The following PCGF5 variants were observed in gnomAD, a reference collection of about 807,000 sequenced individuals.
The protein encoded by PCGF5 is polycomb group ring finger 5.
PCGF5 carries 9 observed loss-of-function variants against 44.3 expected under a neutral mutation model. The observed-to-expected ratio is 0.20, with a 90% confidence interval of 0.12 to 0.35. The LOEUF is 0.35. Among genes scored for constraint, PCGF5 ranks in the 10% least tolerant of loss-of-function variants. The probability of loss-of-function intolerance (pLI) is 1.00; values close to 1 mark genes in which losing one functional copy is unlikely to be tolerated. For missense variants in PCGF5, 146 were observed against 305.3 expected (o/e 0.48, Z 3.89); for synonymous variants, 95 against 102.5 (o/e 0.93, Z 0.44).
chr10:91,219,227 A>G (rs1844605403), upstream of PCGF5, among the ~76,000 whole-genome samples: 1 of 152,142 alleles, frequency 6.6e-6, no homozygotes. Context: ...CATTGCTAAC[A>G]TATGTCATCC....
intron 8 of PCGF5, among the ~76,000 whole-genome samples, chr10:91,269,631 C>CA (rs1846131517): frequency 6.6e-6 from 1 of 152,076 alleles, no homozygotes; most frequent in African/African-American, 2.4e-5. Flanking sequence ...AGATTTTCAG[C>CA]AGAGTATGCA....
chr10:91,187,742 T>C (rs562452013), intron 1 of PCGF5, among the ~76,000 whole-genome samples: 2 of 152,312 alleles, frequency 1.3e-5, no homozygotes, highest in South Asian at 2.1e-4. Context: ...TCTGTGTGTA[T>C]ATGTTTACCT....
At chr10:91,236,706 A>G (rs1845174698) in intron 2 of PCGF5, among the ~76,000 whole-genome samples, 1 of 152,224 alleles carries the variant, frequency 6.6e-6, no homozygotes, top group Admixed American at 6.5e-5. Context: ...TGTAGTGATG[A>G]GAAGTTTTTT....
chr10:91,262,979 C>T (rs1032315337), intron 7 of PCGF5, among the ~76,000 whole-genome samples: 24 of 152,184 alleles, frequency 1.6e-4, no homozygotes, highest in African/African-American at 5.8e-4. Context: ...GTTACTCTTA[C>T]ATAGTCTTAC....
In PCGF5 at chr10:91,282,788, C is replaced by T. The variant is rs1327481849; in HGVS notation, c.*4472C>T. 6.6e-6 allele frequency: 1 copy of T among 152,482 alleles called. No individual in the cohort carries two copies. Among genetic ancestry groups the T allele is most frequent in the Non-Finnish European group, 1.5e-5 (1 of 68,010 alleles). The allele number at this position is 152,482 out of a possible 1,614,324, so 9.4% of individuals were successfully genotyped here. A position where few individuals can be genotyped will look rare whatever the true frequency, so the allele number is the denominator to read the frequency against. On this transcript the variant is annotated 3_prime_UTR_variant, in exon 10 of 10. Transcript: ENST00000336126. ...ATAAGGAATTTTCCAGAAAGCTAAG[C>T]TTTATACTAATAAGATATTGGTTGG... is the stretch of plus-strand genomic sequence containing the variant.
chr10:91,198,344 C>G (rs968591911), intron 1 of PCGF5, among the ~76,000 whole-genome samples: 9 of 152,208 alleles, frequency 5.9e-5, no homozygotes, highest in African/African-American at 2.2e-4. Flanking sequence ...AGGACACTTT[C>G]CTTTCTCTCT....
At chr10:91,199,342 TG>T (rs1235716628) in intron 1 of PCGF5, among the ~76,000 whole-genome samples, 1 of 152,228 alleles carries the variant, frequency 6.6e-6, no homozygotes, top group Non-Finnish European at 1.5e-5. Context: ...GGAGTTGAGC[TG>T]TAGAGCCAGC....
intron 2 of PCGF5, among the ~76,000 whole-genome samples, chr10:91,231,182 T>C (rs962007233): frequency 2.6e-5 from 4 of 152,256 alleles, no homozygotes; most frequent in Admixed American, 2.6e-4. Context: ...TGGTTCCCTT[T>C]AGTATTCCTA....
At chr10:91,220,111 A>G (rs1844626943), upstream of PCGF5, 1 of 151,838 alleles carries the variant, frequency 6.6e-6, no homozygotes, top group Non-Finnish European at 1.5e-5. Context: ...GCAAACAGTA[A>G]TGCTTCTTTA....
At chr10:91,221,882 A>G (rs1278187542) in intron 1 of PCGF5, among the ~76,000 whole-genome samples, 1 of 152,228 alleles carries the variant, frequency 6.6e-6, no homozygotes, top group Non-Finnish European at 1.5e-5. Context: ...ATAGGAAAGA[A>G]GTAAGCATTA....
intron 1 of PCGF5, among the ~76,000 whole-genome samples, chr10:91,182,877 C>T (rs920361614): frequency 1.3e-5 from 2 of 152,062 alleles, no homozygotes; most frequent in African/African-American, 2.4e-5. Context: ...TTATTTACTC[C>T]AAAGTAATTC....
intron 1 of PCGF5, among the ~76,000 whole-genome samples, chr10:91,181,374 C>T (rs191682409): frequency 5.4e-4 from 82 of 152,214 alleles, no homozygotes; most frequent in African/African-American, 1.6e-3. Flanking sequence ...TTGCCCTGGC[C>T]GGAACTTTGA....
chr10:91,177,159 G>T lies in PCGF5; in HGVS notation c.-184+14078G>T, dbSNP rs576556673. On this transcript the variant is annotated intron_variant, in intron 1 of 9. Coordinates refer to the PCGF5 transcript ENST00000614189. ...CTCAGCTGCAGGTCTGTTGGAGTTT[G>T]CTGGAGGTCCACTTCAGACCCTGTT... Among the ~76,000 whole-genome samples, 1,165 of 152,332 alleles carry T rather than the reference G, an allele frequency of 7.6e-3. 14 individuals carry two copies. Among genetic ancestry groups the T allele is most frequent in the African/African-American group, 0.027 (1,119 of 41,574 alleles).
At chr10:91,162,850 G>A (rs1843411174), upstream of PCGF5, among the ~76,000 whole-genome samples, 1 of 147,766 alleles carries the variant, frequency 6.8e-6, no homozygotes, top group Non-Finnish European at 1.5e-5. Context: ...CGCCCCCTCG[G>A]CGCGCTCGCC....
chr10:91,203,023 A>C (rs1423524042), intron 1 of PCGF5, among the ~76,000 whole-genome samples: 2 of 152,226 alleles, frequency 1.3e-5, no homozygotes, highest in Non-Finnish European at 2.9e-5. Context: ...TTAAAAAAGC[A>C]AGAAAGCAAA....
intron 1 of PCGF5, among the ~76,000 whole-genome samples, chr10:91,195,999 A>G (rs1027181574): frequency 3.3e-5 from 5 of 150,448 alleles, no homozygotes; most frequent in East Asian, 3.9e-4. Flanking sequence ...GCTACTAGAT[A>G]AAATTGGGGT....
intron 6 of PCGF5, among the ~76,000 whole-genome samples, chr10:91,259,598 C>T (rs35981490): frequency 0.071 from 10,833 of 152,172 alleles, 492 homozygotes; most frequent in African/African-American, 0.12. Flanking sequence ...ACCAAAACAG[C>T]ATGGTACTGG....
chr10:91,156,998 C>G, the PCGF5 span, among the ~76,000 whole-genome samples: 12 of 152,266 alleles, frequency 7.9e-5, no homozygotes, highest in East Asian at 2.3e-3. Flanking sequence ...CTGGTTTAGC[C>G]ACTTCTTAGC....
At chr10:91,241,742 A>G (rs1365908683) in intron 3 of PCGF5, among the ~76,000 whole-genome samples, 2 of 151,648 alleles carry the variant, frequency 1.3e-5, no homozygotes, top group South Asian at 2.1e-4. Context: ...TAACTCTCTT[A>G]TCTGTGTGAT....
Sources: allele counts gnomAD v4.1 joint callset (sites outside exome capture counted in the v4.1 genomes callset), GRCh38; gene constraint gnomAD v4.1.1; transcripts MANE v1.5; gene names NCBI Gene and HGNC (gene_info 2026-07-23, HGNC 2026-07-21).